Variants in ADCK1 observed in about 807,000 individuals in gnomAD.
ADCK1 encodes aarF domain-containing protein kinase 1.
Under a neutral mutation model 52.3 loss-of-function variants are expected in ADCK1, and 41 were observed. The observed-to-expected ratio is 0.78, with a 90% confidence interval of 0.61 to 1.02. The LOEUF (loss-of-function observed/expected upper bound fraction) is 1.02. ADCK1 is among the 50% of genes least tolerant of loss of function. The pLI is 0.00. For synonymous variants in ADCK1, 250 were observed against 274.6 expected, an observed-to-expected ratio of 0.91 and a Z score of 0.89; for missense variants, 658 against 679.5, an observed-to-expected ratio of 0.97 and a Z score of 0.35.
Position 77,933,225 on chromosome 14 carries a change from A to C in ADCK1, c.1406A>C (p.Lys469Thr), listed in dbSNP as rs1299901028. The change falls in exon 11 of 11, where the codon AAG becomes ACG. Residue 469 changes from lysine to threonine, a missense_variant. Transcript: ENST00000238561. ...RCCIRALAEH[K>T]KKNTCSFFRR... ...TTTTCTTTCCCTTTTTCCAGGCACA[A>C]GAAGAAGAATACCTGTTCATTCTTC... 2.5e-6 allele frequency: 4 copies of C among 1,612,042 alleles called. No homozygotes were observed. In the East Asian group the frequency reaches 8.9e-5, roughly 36 times the overall value.
At chr14:77,852,931 TAGAGAC>T (rs1159869475) in intron 3 of ADCK1, among the ~76,000 whole-genome samples, 1 of 88,490 alleles carries the variant, frequency 1.1e-5, no homozygotes, top group African/African-American at 4.1e-5. Flanking sequence ...TTTTTTTTTT[TAGAGAC>T]AGGGTCTTGC....
At chr14:77,933,074 T>C in intron 10 of ADCK1, 146 bp from the exon 11 acceptor site, 1 of 720,326 alleles carries the variant, frequency 1.4e-6, no homozygotes, top group Non-Finnish European at 2.3e-6. Flanking sequence ...AGTGGTATAG[T>C]ATGATCCTGT....
Position 77,933,610 on chromosome 14 carries a change from C to G in ADCK1, c.*219C>G, listed in dbSNP as rs1566748804. The G allele has an allele frequency of 1.8e-6, 1 of 543,790 alleles. No homozygotes were observed. Among genetic ancestry groups the G allele is most frequent in the East Asian group, 2.9e-5 (1 of 34,572 alleles). The allele number at this position is 543,790 out of a possible 1,614,324, so 33.7% of individuals were successfully genotyped here. A position where few individuals can be genotyped will look rare whatever the true frequency, so the allele number is the denominator to read the frequency against. On this transcript the variant is annotated 3_prime_UTR_variant, in exon 11 of 11. Coordinates refer to ENST00000238561, the MANE Select transcript of ADCK1 (RefSeq NM_020421.4). ...CTGTGGCATAGCTCTCTCTTCTTCT[C>G]CAAGAAGACTCAGCAGCCTACATTC... is the stretch of plus-strand genomic sequence containing the variant.
chr14:77,884,916 T>C (rs1452957601), intron 4 of ADCK1, among the ~76,000 whole-genome samples: 2 of 152,202 alleles, frequency 1.3e-5, no homozygotes, highest in Non-Finnish European at 2.9e-5. Context: ...GGTGTGCTTT[T>C]TCTATTTTGG....
At chr14:77,815,267 G>T (rs997155512) in intron 1 of ADCK1, among the ~76,000 whole-genome samples, 8 of 147,370 alleles carry the variant, frequency 5.4e-5, no homozygotes, top group East Asian at 2.0e-4. Context: ...GCAGTGGCGT[G>T]ATCATGGCTC....
chr14:77,805,987 C>CTTTTTTTTT (rs530925697), intron 1 of ADCK1, among the ~76,000 whole-genome samples: 1 of 87,674 alleles, frequency 1.1e-5, no homozygotes, highest in African/African-American at 4.1e-5. Context: ...ATTCTTACGG[C>CTTTTTTTTT]TTTTTTTTTT....
chr14:77,849,256 C>T (rs56014836), intron 3 of ADCK1, among the ~76,000 whole-genome samples: 6,686 of 152,134 alleles, frequency 0.044, 299 homozygotes, highest in African/African-American at 0.11. Flanking sequence ...AAATTTTTTG[C>T]AGAGACAGGG....
At chr14:77,809,891 A>G (rs2081302776) in intron 1 of ADCK1, among the ~76,000 whole-genome samples, 1 of 151,036 alleles carries the variant, frequency 6.6e-6, no homozygotes, top group Non-Finnish European at 1.5e-5. Flanking sequence ...AAAAAAATTT[A>G]GCCGGGCGTG....
intron 3 of ADCK1, among the ~76,000 whole-genome samples, chr14:77,855,307 C>T (rs2082394860): frequency 6.6e-6 from 1 of 152,228 alleles, no homozygotes; most frequent in Admixed American, 6.5e-5. Flanking sequence ...ATGGATACCC[C>T]ATGTAATCTT....
chr14:77,870,813 C>T (rs2082760316), intron 4 of ADCK1, among the ~76,000 whole-genome samples: 1 of 152,214 alleles, frequency 6.6e-6, no homozygotes, highest in Admixed American at 6.5e-5. Flanking sequence ...TCCTCATTTC[C>T]TCCCTGACTG....
chr14:77,934,756 A>G lies in ADCK1; in HGVS notation c.*1365A>G, dbSNP rs1004079436. 2.0e-5 allele frequency: 3 copies of G among 152,168 alleles called. No homozygotes were observed. Among genetic ancestry groups the G allele is most frequent in the Admixed American group, 6.5e-5 (1 of 15,282 alleles). The allele number at this position is 152,168 out of a possible 1,614,324, so 9.4% of individuals were successfully genotyped here. On this transcript the variant is annotated 3_prime_UTR_variant, in exon 11 of 11. Transcript: ENST00000238561. The stretch of plus-strand genomic sequence containing the variant: ...TCACCCAATTCACAAGGGCAGAAAA[A>G]ATCCTGAATTTGAGCCTAATTTTCT...
intron 4 of ADCK1, among the ~76,000 whole-genome samples, chr14:77,862,817 C>T (rs2082580736): frequency 6.6e-6 from 1 of 152,204 alleles, no homozygotes; most frequent in Admixed American, 6.5e-5. Context: ...AGTCCAGGGT[C>T]ATGGGAGGTT....
chr14:77,826,978 A>T (rs1239283896), intron 3 of ADCK1, among the ~76,000 whole-genome samples: 1 of 152,062 alleles, frequency 6.6e-6, no homozygotes, highest in African/African-American at 2.4e-5. Flanking sequence ...AGAATGTAAG[A>T]TGTTGGCTTG....
intron 5 of ADCK1, among the ~76,000 whole-genome samples, chr14:77,894,111 G>A (rs7147735): frequency 0.35 from 53,978 of 152,110 alleles, 10,591 homozygotes; most frequent in Admixed American, 0.49. Context: ...GAATCCAACA[G>A]CGATTTTATT....
intron 7 of ADCK1, among the ~76,000 whole-genome samples, chr14:77,919,790 G>A (rs1446788045): frequency 6.6e-6 from 1 of 152,132 alleles, no homozygotes; most frequent in Non-Finnish European, 1.5e-5. Context: ...CAGGAGTAAG[G>A]TGGTATTGCA....
chr14:77,914,776 T>C (rs1375399152), intron 7 of ADCK1, among the ~76,000 whole-genome samples: 1 of 152,234 alleles, frequency 6.6e-6, no homozygotes, highest in African/African-American at 2.4e-5. Flanking sequence ...ACAATGTTAC[T>C]GTTACTTATA....
intron 1 of ADCK1, among the ~76,000 whole-genome samples, chr14:77,812,099 T>A (rs890653427): frequency 6.6e-6 from 1 of 152,182 alleles, no homozygotes; most frequent in African/African-American, 2.4e-5. Context: ...AATCAACATA[T>A]CCATCACCTC....
intron 4 of ADCK1, among the ~76,000 whole-genome samples, chr14:77,861,648 G>A (rs1404246308): frequency 1.3e-5 from 2 of 152,182 alleles, no homozygotes; most frequent in African/African-American, 2.4e-5. Flanking sequence ...GATAGGCTTT[G>A]AGGTTACCTT....
At chr14:77,896,238 C>A (rs1211565397) in intron 5 of ADCK1, among the ~76,000 whole-genome samples, 2 of 152,006 alleles carry the variant, frequency 1.3e-5, no homozygotes, top group African/African-American at 4.8e-5. Context: ...ATTAAAAATT[C>A]CACAAAAAAC....
Sources: allele counts gnomAD v4.1 joint callset (sites outside exome capture counted in the v4.1 genomes callset), GRCh38; gene constraint gnomAD v4.1.1; transcripts MANE v1.5; gene names NCBI Gene and HGNC (gene_info 2026-07-23, HGNC 2026-07-21).